Variants in ELAVL4 observed in about 807,000 individuals in gnomAD.
The protein encoded by ELAVL4 is ELAV-like protein 4.
In ELAVL4, 1 loss-of-function variant was observed where a neutral mutation model predicts 35.6. The ratio of observed to expected loss-of-function variants is 0.03; its 90% confidence interval spans 0.01 to 0.13. The LOEUF is 0.13. Among genes scored for constraint, ELAVL4 ranks in the 10% least tolerant of loss-of-function variants. ELAVL4 has a pLI of 1.00. For synonymous variants in ELAVL4, 156 were observed against 171.0 expected (o/e 0.91, Z 0.69); for missense variants, 267 against 464.9 (o/e 0.57, Z 3.91).
chr1:50,164,513 G>C (rs905075215), intron 2 of ELAVL4, among the ~76,000 whole-genome samples: 1 of 152,184 alleles, frequency 6.6e-6, no homozygotes, highest in South Asian at 2.1e-4. Flanking sequence ...AATATTAGAA[G>C]GGACTTTGAG....
intron 1 of ELAVL4, among the ~76,000 whole-genome samples, chr1:50,064,714 T>G (rs1664176114): frequency 1.3e-5 from 2 of 152,164 alleles, no homozygotes. Context: ...CTATTATCCC[T>G]CCCATGTGAA....
At chr1:50,068,855 C>T (rs995509893) in intron 1 of ELAVL4, among the ~76,000 whole-genome samples, 8 of 152,182 alleles carry the variant, frequency 5.3e-5, no homozygotes, top group African/African-American at 1.2e-4. Flanking sequence ...TTAATAACAA[C>T]GCTTTACTTA....
At chr1:50,056,557 G>T (rs1440508511) in intron 1 of ELAVL4, among the ~76,000 whole-genome samples, 2 of 152,128 alleles carry the variant, frequency 1.3e-5, no homozygotes, top group Admixed American at 1.3e-4. Flanking sequence ...ATACAATTAT[G>T]TACAGTATAT....
chr1:50,057,469 C>T (rs1390635323), intron 1 of ELAVL4, among the ~76,000 whole-genome samples: 1 of 152,196 alleles, frequency 6.6e-6, no homozygotes, highest in East Asian at 1.9e-4. Flanking sequence ...ATTCACTCAG[C>T]ACTCATTCAT....
intron 2 of ELAVL4, among the ~76,000 whole-genome samples, chr1:50,172,632 C>T (rs1219050711): frequency 6.6e-6 from 1 of 152,166 alleles, no homozygotes; most frequent in African/African-American, 2.4e-5. Flanking sequence ...ACCCTAAGAC[C>T]TACCAAGCCT....
intron 1 of ELAVL4, among the ~76,000 whole-genome samples, chr1:50,139,815 C>T (rs1672517031): frequency 2.0e-5 from 3 of 152,250 alleles, no homozygotes; most frequent in Admixed American, 6.5e-5. Context: ...GGCAGCTGCA[C>T]GTCTGAAGCC....
intron 1 of ELAVL4, among the ~76,000 whole-genome samples, chr1:50,111,750 C>T (rs887930885): frequency 2.0e-5 from 3 of 152,116 alleles, no homozygotes; most frequent in African/African-American, 7.2e-5. Context: ...CTTTGGACGT[C>T]TGGGACCCAT....
At chr1:50,188,829 G>GT (rs1479961637) in intron 3 of ELAVL4, among the ~76,000 whole-genome samples, 1 of 152,162 alleles carries the variant, frequency 6.6e-6, no homozygotes, top group African/African-American at 2.4e-5. Flanking sequence ...AGTGGATGAA[G>GT]GGATAGCAAT....
At chr1:50,137,037 C>T (rs543860601) in intron 1 of ELAVL4, among the ~76,000 whole-genome samples, 1 of 152,126 alleles carries the variant, frequency 6.6e-6, no homozygotes, top group Non-Finnish European at 1.5e-5. Context: ...AAAACAATAA[C>T]GTGGGGTCGT....
chr1:50,115,048 GTCTCTCTGTCTCTCTCTC>G (rs1034073912), intron 1 of ELAVL4: 38 of 151,674 alleles, frequency 2.5e-4, no homozygotes, highest in Non-Finnish European at 4.9e-4. Context: ...CTCTGTCTCC[GTCTCTCTGTCTCTCTCTC>G]TCTCTCTGTC....
At chr1:50,148,499 T>C (rs1021811952) in intron 2 of ELAVL4, among the ~76,000 whole-genome samples, 3 of 152,230 alleles carry the variant, frequency 2.0e-5, no homozygotes, top group Non-Finnish European at 4.4e-5. Context: ...TAAGATACCT[T>C]GCTTTTGGAC....
rs77398614 is a variant in ELAVL4 at position 50,202,115 on chromosome 1, T to C, written c.*937T>C. The C allele has an allele frequency of 6.6e-6, 1 of 152,262 alleles. No homozygotes were observed. The highest frequency in any genetic ancestry group is 1.9e-4 in the East Asian group (1 of 5,192). 9.4% of individuals were successfully genotyped at this position (152,262 alleles called of 1,614,324 possible). ...GCTATAAACAGATGATCTTCATATC[T>C]TTTCATAGCATGTAATAATAATTAA... On this transcript the variant is annotated 3_prime_UTR_variant, in exon 7 of 7. Coordinates refer to ENST00000371824, the MANE Select transcript of ELAVL4 (RefSeq NM_001144774.3).
At chr1:50,199,011 G>T (rs1177977244) in intron 6 of ELAVL4, among the ~76,000 whole-genome samples, 1 of 152,150 alleles carries the variant, frequency 6.6e-6, no homozygotes, top group Non-Finnish European at 1.5e-5. Context: ...CACTTGGTTG[G>T]AGGATAGAAT....
At chr1:50,090,660 G>A (rs1665450721) in intron 1 of ELAVL4, among the ~76,000 whole-genome samples, 1 of 152,084 alleles carries the variant, frequency 6.6e-6, no homozygotes, top group Non-Finnish European at 1.5e-5. Context: ...TTCTCCTTTA[G>A]GGCCTCAGAG....
chr1:50,048,322 C>T (rs1399587503), intron 1 of ELAVL4: 1 of 1,159,976 alleles, frequency 8.6e-7, no homozygotes, highest in South Asian at 1.9e-5. Context: ...GGGGAGAGGG[C>T]CCTTGCAAGA....
Position 50,135,030 on chromosome 1 carries a change from T to C in ELAVL4, c.10-9927T>C, listed in dbSNP as rs1486695520. ...AGAATGATGCCTATGAGAAATTAAA[T>C]TTTGATTATGCTTTTCATATCCGTG... On this transcript the variant is annotated intron_variant, in intron 1 of 6. Transcript: ENST00000371824. Among the ~76,000 whole-genome samples the C allele has an allele frequency of 2.0e-5, 3 of 152,130 alleles. No homozygotes were observed. In the East Asian group the frequency reaches 5.8e-4, roughly 29 times the overall value.
At chr1:50,108,278 A>G (rs1445524035), upstream of ELAVL4, among the ~76,000 whole-genome samples, 1 of 152,068 alleles carries the variant, frequency 6.6e-6, no homozygotes, top group East Asian at 1.9e-4. Flanking sequence ...TCTGAGACAA[A>G]CTTGTATGAA....
At chr1:50,113,813 G>A (rs551553666) in intron 1 of ELAVL4, among the ~76,000 whole-genome samples, 6 of 152,168 alleles carry the variant, frequency 3.9e-5, no homozygotes, top group African/African-American at 4.8e-5. Context: ...GTGTGTGTGC[G>A]AGAAAGAGAA....
chr1:50,165,133 T>A (rs1335656137), intron 2 of ELAVL4, among the ~76,000 whole-genome samples: 2 of 152,190 alleles, frequency 1.3e-5, no homozygotes, highest in African/African-American at 4.8e-5. Flanking sequence ...TTGAAGAAAC[T>A]AAGGGTGCCC....
Sources: gnomAD v4.1 joint callset for allele counts (sites outside exome capture counted in the v4.1 genomes callset) on GRCh38, gnomAD v4.1.1 for gene constraint, MANE v1.5 for transcripts, NCBI Gene and HGNC (gene_info 2026-07-23, HGNC 2026-07-21) for gene names.